STX8: variants seen among roughly 807,000 people sequenced by gnomAD.
STX8 encodes the protein syntaxin 8.
In STX8, 23 loss-of-function variants were observed where a neutral mutation model predicts 37.5. The ratio of observed to expected loss-of-function variants is 0.61; its 90% CI spans 0.44 to 0.87. The LOEUF is 0.87. STX8 is among the 40% of genes least tolerant of loss of function. STX8 has a pLI of 0.00. For synonymous variants in STX8, 115 were observed against 99.1 expected (o/e 1.16, Z -0.95); for missense variants, 313 against 284.7 (o/e 1.10, Z -0.71).
chr17:9,312,232 G>A (rs1051166306), intron 7 of STX8, among the ~76,000 whole-genome samples: 11 of 142,082 alleles, frequency 7.7e-5, no homozygotes, highest in South Asian at 2.3e-4. Flanking sequence ...ATGGAGTTTC[G>A]TTCTTGTTGT....
At chr17:9,415,117 C>T (rs1913139348) in intron 6 of STX8, among the ~76,000 whole-genome samples, 1 of 152,038 alleles carries the variant, frequency 6.6e-6, no homozygotes, top group East Asian at 1.9e-4. Context: ...TCCACCCCAT[C>T]CCACAGCCTG....
At chr17:9,417,726 A>T (rs1913250201) in intron 6 of STX8, among the ~76,000 whole-genome samples, 1 of 152,188 alleles carries the variant, frequency 6.6e-6, no homozygotes, top group African/African-American at 2.4e-5. Context: ...AGGTGGTGAG[A>T]CAAACTGGAG....
At chr17:9,333,597 G>T (rs180965943) in intron 7 of STX8, among the ~76,000 whole-genome samples, 5 of 152,128 alleles carry the variant, frequency 3.3e-5, no homozygotes, top group African/African-American at 4.8e-5. Context: ...CACTGTGTTA[G>T]CCAGGATGGT....
chr17:9,493,114 T>A (rs980803992), intron 5 of STX8, among the ~76,000 whole-genome samples: 13 of 147,038 alleles, frequency 8.8e-5, no homozygotes, highest in Non-Finnish European at 1.9e-4. Context: ...AAAAAAAAAA[T>A]TAGCTAGGCA....
At chr17:9,565,806 A>C (rs532876434) in intron 2 of STX8, among the ~76,000 whole-genome samples, 2 of 152,232 alleles carry the variant, frequency 1.3e-5, no homozygotes, top group Non-Finnish European at 2.9e-5. Flanking sequence ...GCAAAAATTA[A>C]CTTCAGATGG....
intron 3 of STX8, among the ~76,000 whole-genome samples, chr17:9,548,065 G>A (rs940344088): frequency 6.6e-6 from 1 of 151,646 alleles, no homozygotes; most frequent in Admixed American, 6.6e-5. Flanking sequence ...GGGATTACAA[G>A]CATGAGCCAC....
intron 7 of STX8, among the ~76,000 whole-genome samples, chr17:9,372,323 C>T (rs1324413807): frequency 6.6e-6 from 1 of 152,060 alleles, no homozygotes; most frequent in Middle Eastern, 3.2e-3. Flanking sequence ...GGGTGTAGCT[C>T]TTTGGGGTCC....
chr17:9,315,854 T>C (rs1181878083), intron 7 of STX8, among the ~76,000 whole-genome samples: 2 of 151,726 alleles, frequency 1.3e-5, no homozygotes, highest in Non-Finnish European at 2.9e-5. Context: ...TCTACTAAAA[T>C]ACAAAAAACA....
At chr17:9,551,085 T>C (rs1480442374) in intron 3 of STX8, among the ~76,000 whole-genome samples, 2 of 152,034 alleles carry the variant, frequency 1.3e-5, no homozygotes, top group African/African-American at 2.4e-5. Flanking sequence ...CAAAAAAAAA[T>C]AGAATTTAGG....
chr17:9,270,668 G>A (rs776122379), intron 7 of STX8, among the ~76,000 whole-genome samples: 4 of 152,152 alleles, frequency 2.6e-5, no homozygotes, highest in Non-Finnish European at 4.4e-5. Flanking sequence ...GAATGAATGA[G>A]TGAAGAAATG....
intron 7 of STX8, among the ~76,000 whole-genome samples, chr17:9,282,253 C>T (rs1010954673): frequency 3.3e-5 from 5 of 152,110 alleles, no homozygotes; most frequent in Admixed American, 6.5e-5. Context: ...CTGCCTCAGC[C>T]CCCCGAGGAG....
chr17:9,362,690 C>T (rs572510205), intron 7 of STX8, among the ~76,000 whole-genome samples: 34 of 151,840 alleles, frequency 2.2e-4, no homozygotes, highest in African/African-American at 7.5e-4. Flanking sequence ...GGCGTGGTGG[C>T]GGGCGCCTGT....
chr17:9,393,274 G>A (rs1912288198), intron 6 of STX8, among the ~76,000 whole-genome samples: 1 of 152,156 alleles, frequency 6.6e-6, no homozygotes, highest in African/African-American at 2.4e-5. Context: ...TCAGCACCGA[G>A]GTGAAATAAA....
chr17:9,282,678 C>T lies in STX8; in HGVS notation c.644-32033G>A, dbSNP rs146715978. 5.9e-3 allele frequency among the ~76,000 whole-genome samples: 897 copies of T among 152,240 alleles called. 7 individuals are homozygous for T. Among genetic ancestry groups the T allele is most frequent in the African/African-American group, 0.021 (860 of 41,532 alleles). ...ATAACTCAGACTTAGCTATTCATCA[C>T]GGTGGAAAGAAAAAGTCAGCCAATG... On this transcript the variant is annotated intron_variant, in intron 7 of 7. Coordinates refer to ENST00000306357, the MANE Select transcript of STX8 (RefSeq NM_004853.3).
At chr17:9,309,090 T>C (rs1308737653) in intron 7 of STX8, among the ~76,000 whole-genome samples, 1 of 151,642 alleles carries the variant, frequency 6.6e-6, no homozygotes, top group African/African-American at 2.4e-5. Context: ...GGTGGCAAAT[T>C]AGGGGGATCC....
chr17:9,338,132 C>G (rs566160497), intron 7 of STX8, among the ~76,000 whole-genome samples: 7 of 145,768 alleles, frequency 4.8e-5, no homozygotes, highest in African/African-American at 1.8e-4. Flanking sequence ...TGGCTCATTG[C>G]AACCTCCGCC....
At chr17:9,558,077 C>G (rs1474771398) in intron 2 of STX8, among the ~76,000 whole-genome samples, 2 of 152,188 alleles carry the variant, frequency 1.3e-5, no homozygotes, top group Non-Finnish European at 2.9e-5. Context: ...ACACATGACT[C>G]TTTTCCCAGG....
At chr17:9,467,967 G>C (rs1905687401) in intron 6 of STX8, among the ~76,000 whole-genome samples, 1 of 152,064 alleles carries the variant, frequency 6.6e-6, no homozygotes, top group Non-Finnish European at 1.5e-5. Context: ...AATACAGAAG[G>C]TCCTAAAATA....
chr17:9,559,758 A>ATTTT (rs1159388418), intron 2 of STX8, among the ~76,000 whole-genome samples: 527 of 28,270 alleles, frequency 0.019, 4 homozygotes, highest in African/African-American at 0.025. Flanking sequence ...ATATATATAT[A>ATTTT]TATTTTTTTT....
Sources: allele counts gnomAD v4.1 joint callset (sites outside exome capture counted in the v4.1 genomes callset), GRCh38; gene constraint gnomAD v4.1.1; transcripts MANE v1.5; gene names NCBI Gene and HGNC (gene_info 2026-07-23, HGNC 2026-07-21).